Variants in RBFOX1 observed in about 807,000 individuals in gnomAD.
RBFOX1 encodes RNA binding protein fox-1 homolog 1.
In RBFOX1, 8 loss-of-function variants were observed where a neutral mutation model predicts 57.7. The observed-to-expected ratio is 0.14, with a 90% confidence interval of 0.08 to 0.25. The LOEUF is 0.25. RBFOX1 is among the 10% of genes least tolerant of loss of function. The probability of loss-of-function intolerance (pLI) is 1.00; values close to 1 mark genes in which losing one functional copy is unlikely to be tolerated. For synonymous variants in RBFOX1, 326 were observed against 222.4 expected, an observed-to-expected ratio of 1.47 and a Z score of -4.15; for missense variants, 611 against 548.5, an observed-to-expected ratio of 1.11 and a Z score of -1.14.
At chr16:6,715,182 A>C (rs1052865825) in intron 3 of RBFOX1, among the ~76,000 whole-genome samples, 12 of 152,176 alleles carry the variant, frequency 7.9e-5, no homozygotes, top group South Asian at 2.1e-4. Flanking sequence ...CCTCACTCAT[A>C]ATGAATTTAA....
intron 2 of RBFOX1, among the ~76,000 whole-genome samples, chr16:6,539,672 C>T (rs897816469): frequency 2.0e-5 from 3 of 152,050 alleles, no homozygotes; most frequent in Non-Finnish European, 4.4e-5. Flanking sequence ...GTGGCCAGCA[C>T]CTGTAGTCCC....
intron 3 of RBFOX1, among the ~76,000 whole-genome samples, chr16:5,846,756 C>T (rs1198031557): frequency 2.0e-5 from 3 of 152,188 alleles, no homozygotes; most frequent in African/African-American, 7.2e-5. Context: ...ACAGTCTTTG[C>T]ATGATGGGTG....
At chr16:7,390,552 G>A (rs1035286854) in intron 4 of RBFOX1, among the ~76,000 whole-genome samples, 4 of 152,150 alleles carry the variant, frequency 2.6e-5, no homozygotes, top group Non-Finnish European at 5.9e-5. Flanking sequence ...TGCACCTAAA[G>A]CATCTTTGCA....
At chr16:7,705,460 G>A (rs1346278113) in intron 14 of RBFOX1, among the ~76,000 whole-genome samples, 2 of 151,222 alleles carry the variant, frequency 1.3e-5, no homozygotes, top group South Asian at 4.2e-4. Flanking sequence ...AGCCAAGATT[G>A]TGCCACTGCA....
intron 3 of RBFOX1, among the ~76,000 whole-genome samples, chr16:6,685,998 A>C (rs2059388496): frequency 6.6e-6 from 1 of 152,184 alleles, no homozygotes; most frequent in Admixed American, 6.5e-5. Flanking sequence ...TAGCTTTTGC[A>C]AGACAGAAAA....
intron 4 of RBFOX1, among the ~76,000 whole-genome samples, chr16:7,188,084 G>A (rs1290101252): frequency 6.6e-6 from 1 of 152,076 alleles, no homozygotes; most frequent in Non-Finnish European, 1.5e-5. Context: ...TTTTTTGCAT[G>A]CAATGTGGAA....
At position 5,266,498 on chromosome 16, in the gene RBFOX1, C is replaced by T. The variant is rs556649768; in HGVS notation, c.219+26393C>T. Among the ~76,000 whole-genome samples, 107 of 150,186 alleles carry T rather than the reference C, an allele frequency of 7.1e-4. 1 individual carries two copies. The highest frequency in any genetic ancestry group is 2.4e-3 in the African/African-American group (96 of 40,784). The stretch of plus-strand genomic sequence containing the variant: ...GACCCCAGGAATATCCTGGAAGGGG[C>T]TGTAATGTTCTGTTTCTTGAACTGG... On this transcript the variant is annotated intron_variant, in intron 1 of 2. Coordinates refer to the RBFOX1 transcript ENST00000585867.
intron 1 of RBFOX1, among the ~76,000 whole-genome samples, chr16:5,308,802 C>T (rs1159978297): frequency 6.6e-6 from 1 of 151,530 alleles, no homozygotes; most frequent in African/African-American, 2.4e-5. Flanking sequence ...AAGTTTTCCT[C>T]TCTTGTGTCT....
intron 3 of RBFOX1, among the ~76,000 whole-genome samples, chr16:7,011,285 C>G (rs2093641588): frequency 6.6e-6 from 1 of 152,134 alleles, no homozygotes; most frequent in Admixed American, 6.5e-5. Flanking sequence ...ATTCTGAGGT[C>G]AAGATGCTAT....
intron 4 of RBFOX1, among the ~76,000 whole-genome samples, chr16:6,002,339 G>A (rs2060616399): frequency 6.6e-6 from 1 of 152,180 alleles, no homozygotes; most frequent in Non-Finnish European, 1.5e-5. Context: ...TTGCTCTCAA[G>A]AACTGAGGGA....
chr16:7,033,109 G>T (rs1035432417), intron 3 of RBFOX1, among the ~76,000 whole-genome samples: 2 of 152,152 alleles, frequency 1.3e-5, no homozygotes, highest in Non-Finnish European at 2.9e-5. Flanking sequence ...TGAGTGGGGA[G>T]ATGAGACAGG....
rs71145247 is a variant in RBFOX1, at chr16:6,556,992, C to CATACATATATATACATATAT, written c.-63-97589_-63-97570dup. ...AAATATACACACATACGTATATATA[C>CATACATATATATACATATAT]ATACATATATATACATATATATACA... On this transcript the variant is annotated intron_variant, in intron 2 of 15. Transcript: ENST00000550418. 1.5e-4 allele frequency among the ~76,000 whole-genome samples: 21 copies of CATACATATATATACATATAT among 139,968 alleles called. No homozygotes were observed. In the South Asian group the frequency reaches 1.8e-3, roughly 12 times the overall value. 91.8% of individuals were successfully genotyped at this position (139,968 alleles called of 152,430 possible).
chr16:7,332,099 A>G (rs1199570934), intron 4 of RBFOX1, among the ~76,000 whole-genome samples: 3 of 152,228 alleles, frequency 2.0e-5, no homozygotes, highest in African/African-American at 7.2e-5. Context: ...AGAAAATGTT[A>G]TTACAGACTG....
intron 4 of RBFOX1, among the ~76,000 whole-genome samples, chr16:5,875,016 C>T (rs182240866): frequency 6.6e-6 from 1 of 152,050 alleles, no homozygotes; most frequent in Non-Finnish European, 1.5e-5. Context: ...GAAAAATAAG[C>T]AGAGAGAAGA....
At chr16:6,053,674 T>C (rs2095580131) in intron 1 of RBFOX1, among the ~76,000 whole-genome samples, 1 of 152,202 alleles carries the variant, frequency 6.6e-6, no homozygotes, top group Non-Finnish European at 1.5e-5. Context: ...CTGCTTGTAA[T>C]CTTTCCCTAC....
intron 1 of RBFOX1, among the ~76,000 whole-genome samples, chr16:6,294,617 C>G (rs760416127): frequency 6.6e-6 from 1 of 152,134 alleles, no homozygotes; most frequent in Non-Finnish European, 1.5e-5. Flanking sequence ...ATGCTGAGCC[C>G]TCTGTGAGAT....
At chr16:7,343,397 C>A (rs1015843003) in intron 4 of RBFOX1, among the ~76,000 whole-genome samples, 2 of 151,996 alleles carry the variant, frequency 1.3e-5, no homozygotes, top group African/African-American at 4.8e-5. Flanking sequence ...GGGGGCGGGA[C>A]CAGAGAGATG....
At chr16:7,430,344 A>G (rs1395588476) in intron 4 of RBFOX1, among the ~76,000 whole-genome samples, 1 of 152,134 alleles carries the variant, frequency 6.6e-6, no homozygotes, top group African/African-American at 2.4e-5. Flanking sequence ...ATTTTGAAAC[A>G]ACTTCCTTCT....
chr16:5,548,702 C>T (rs2045334659), intron 2 of RBFOX1, among the ~76,000 whole-genome samples: 1 of 151,996 alleles, frequency 6.6e-6, no homozygotes, highest in South Asian at 2.1e-4. Context: ...CAAATAAACT[C>T]TTGGGAATGA....
Sources: allele counts gnomAD v4.1 joint callset (sites outside exome capture counted in the v4.1 genomes callset), GRCh38; gene constraint gnomAD v4.1.1; transcripts MANE v1.5; gene names NCBI Gene and HGNC (gene_info 2026-07-23, HGNC 2026-07-21).